CLDN16: variants seen among roughly 807,000 people sequenced by gnomAD.
CLDN16 encodes claudin-16.
Under a neutral mutation model 24.6 loss-of-function variants are expected in CLDN16, and 13 were observed. The ratio of observed to expected loss-of-function variants is 0.53; its 90% confidence interval spans 0.34 to 0.84. The LOEUF (loss-of-function observed/expected upper bound fraction) is 0.84, where lower values mean the gene tolerates loss of function less well. CLDN16 is among the 40% of genes least tolerant of loss of function. The pLI, the probability that CLDN16 is intolerant of heterozygous loss-of-function variation, is 0.01. For synonymous variants in CLDN16, 116 were observed against 106.7 expected, an observed-to-expected ratio of 1.09 and a Z score of -0.54; for missense variants, 298 against 292.7, an observed-to-expected ratio of 1.02 and a Z score of -0.13.
rs77760043 is a variant in CLDN16, at chr3:190,400,684, G to A, written c.115-1653G>A. On this transcript the variant is annotated intron_variant, in intron 1 of 4. Coordinates refer to ENST00000264734, the MANE Select transcript of CLDN16 (RefSeq NM_006580.4). ...TTAAATTGTTAAATAGTATTCCATT[G>A]TGTAGATATACCATATTGTATTTAC... Among the ~76,000 whole-genome samples the A allele has an allele frequency of 5.1e-4, 78 of 152,240 alleles. 2 individuals carry two copies. The East Asian group carries it at 0.014, about 27-fold the overall frequency.
intron 1 of CLDN16, among the ~76,000 whole-genome samples, chr3:190,366,460 C>A (rs1312496647): frequency 6.6e-6 from 1 of 152,008 alleles, no homozygotes; most frequent in Non-Finnish European, 1.5e-5. Flanking sequence ...ATCTTAGGCC[C>A]ACTCCTGATA....
intron 1 of CLDN16, among the ~76,000 whole-genome samples, chr3:190,336,333 A>T (rs1430184940): frequency 6.6e-6 from 1 of 152,198 alleles, no homozygotes; most frequent in Non-Finnish European, 1.5e-5. Context: ...AGAGAGTGGG[A>T]GTTAAGCCAT....
chr3:190,353,302 C>A (rs188470657), intron 1 of CLDN16, among the ~76,000 whole-genome samples: 52 of 152,180 alleles, frequency 3.4e-4, no homozygotes, highest in Admixed American at 1.1e-3. Context: ...TTCTCTTCAA[C>A]CTACTTTCCA....
chr3:190,399,702 T>C (rs1231524577), intron 1 of CLDN16, among the ~76,000 whole-genome samples: 3 of 152,124 alleles, frequency 2.0e-5, no homozygotes, highest in Admixed American at 1.3e-4. Context: ...TTCTAGCTAT[T>C]TGAAATTATA....
At chr3:190,372,699 C>T (rs999033034) in intron 2 of CLDN16, among the ~76,000 whole-genome samples, 4 of 151,884 alleles carry the variant, frequency 2.6e-5, no homozygotes, top group African/African-American at 9.7e-5. Context: ...TATTTGTGAA[C>T]CTGTGTAATG....
intron 1 of CLDN16, among the ~76,000 whole-genome samples, chr3:190,342,847 C>T (rs75319830): frequency 0.039 from 5,968 of 152,054 alleles, 392 homozygotes; most frequent in African/African-American, 0.13. Flanking sequence ...GAAATGAAGC[C>T]ATAAAACTCC....
upstream of CLDN16, among the ~76,000 whole-genome samples, chr3:190,318,774 G>C (rs552049666): frequency 3.3e-5 from 5 of 152,268 alleles, no homozygotes; most frequent in East Asian, 9.6e-4. Flanking sequence ...AGCATAAATA[G>C]GTGCCCTCCT....
At chr3:190,304,738 G>T in the CLDN16 span, among the ~76,000 whole-genome samples, 1 of 152,108 alleles carries the variant, frequency 6.6e-6, no homozygotes, top group Non-Finnish European at 1.5e-5. Flanking sequence ...TTACACGTGA[G>T]CCACATGTAA....
the CLDN16 span, among the ~76,000 whole-genome samples, chr3:190,298,795 AT>A: frequency 0.028 from 4,245 of 152,182 alleles, 120 homozygotes; most frequent in Admixed American, 0.091. Context: ...GCATCTATTT[AT>A]TTTTTTCATT....
intron 1 of CLDN16, among the ~76,000 whole-genome samples, chr3:190,345,643 C>G (rs1717536003): frequency 6.6e-6 from 1 of 152,154 alleles, no homozygotes; most frequent in African/African-American, 2.4e-5. Flanking sequence ...AAAAGGAATT[C>G]TGGTTCTAGT....
chr3:190,290,383 G>A, the CLDN16 span, among the ~76,000 whole-genome samples: 5,339 of 152,284 alleles, frequency 0.035, 307 homozygotes, highest in African/African-American at 0.12. Context: ...GCTTTTGTCT[G>A]TGAAGGCTAA....
intron 1 of CLDN16, among the ~76,000 whole-genome samples, chr3:190,335,697 C>A: frequency 1.0e-5 from 1 of 100,242 alleles, no homozygotes; most frequent in Non-Finnish European, 1.8e-5. Flanking sequence ...GGTGACAGAG[C>A]AAGACTCCAT....
At chr3:190,316,184 C>T in the CLDN16 span, among the ~76,000 whole-genome samples, 2 of 152,072 alleles carry the variant, frequency 1.3e-5, no homozygotes, top group African/African-American at 4.8e-5. Flanking sequence ...ATGGAAAACA[C>T]AATATTTAAA....
chr3:190,391,104 G>T (rs1247248711), intron 1 of CLDN16, among the ~76,000 whole-genome samples: 1 of 151,604 alleles, frequency 6.6e-6, no homozygotes, highest in East Asian at 1.9e-4. Context: ...TCCATTGTTG[G>T]ACAAAAGTCA....
intron 1 of CLDN16, among the ~76,000 whole-genome samples, chr3:190,341,149 G>A (rs1717423516): frequency 6.6e-6 from 1 of 152,206 alleles, no homozygotes; most frequent in Admixed American, 6.5e-5. Flanking sequence ...ATGGGGTCTA[G>A]AGGATGATGG....
upstream of CLDN16, chr3:190,388,086 C>T: frequency 6.2e-7 from 1 of 1,603,688 alleles, no homozygotes; most frequent in East Asian, 2.2e-5. Flanking sequence ...TTGCACTGAC[C>T]TGCCTTCTGA....
At chr3:190,308,434 T>A in the CLDN16 span, 1 of 1,613,502 alleles carries the variant, frequency 6.2e-7, no homozygotes, top group East Asian at 2.2e-5. Flanking sequence ...CTGACCAAAT[T>A]CGTACCTAAA....
chr3:190,383,030 TC>T (rs1718405969), intron 3 of CLDN16, among the ~76,000 whole-genome samples: 1 of 152,074 alleles, frequency 6.6e-6, no homozygotes, highest in East Asian at 1.9e-4. Context: ...CATTTCTGAC[TC>T]AGTTTTTACT....
chr3:190,325,091 A>C (rs1476867293), intron 1 of CLDN16, among the ~76,000 whole-genome samples: 2 of 152,340 alleles, frequency 1.3e-5, no homozygotes, highest in East Asian at 1.9e-4. Context: ...TTATGACTCT[A>C]AGTAATGACA....
Sources: allele counts gnomAD v4.1 joint callset (sites outside exome capture counted in the v4.1 genomes callset), GRCh38; gene constraint gnomAD v4.1.1; transcripts MANE v1.5; gene names NCBI Gene and HGNC (gene_info 2026-07-23, HGNC 2026-07-21).